Variants in PFKFB2 observed in about 807,000 individuals in gnomAD.
PFKFB2 encodes 6-phosphofructo-2-kinase/fructose-2,6-bisphosphatase 2.
A neutral mutation model predicts 68.0 loss-of-function variants in PFKFB2; 53 were observed. The ratio of observed to expected loss-of-function variants is 0.78; its 90% CI spans 0.63 to 0.98. The LOEUF (loss-of-function observed/expected upper bound fraction) is 0.98, where lower values mean the gene tolerates loss of function less well. PFKFB2 is among the 50% of genes least tolerant of loss of function. The probability of loss-of-function intolerance (pLI) is 0.00; values close to 1 mark genes in which losing one functional copy is unlikely to be tolerated. For missense variants in PFKFB2, 451 were observed against 642.0 expected (o/e 0.70, Z 3.22); for synonymous variants, 222 against 227.6 (o/e 0.98, Z 0.22).
rs1188220322 is a variant in PFKFB2 at position 207,074,186 on chromosome 1, G to A, written c.*1815G>A. On this transcript the variant is annotated 3_prime_UTR_variant, in exon 15 of 15. Coordinates refer to ENST00000367080, the MANE Select transcript of PFKFB2 (RefSeq NM_006212.2). ...TTAAGAACTCCACCTTAGGAAGTTA[G>A]GTGGAAAAATACTGGATAGTAGTTT... 4 of 985,126 alleles carry A rather than the reference G, an allele frequency of 4.1e-6. No individual in the cohort carries two copies. Among genetic ancestry groups the A allele is most frequent in the African/African-American group, 3.5e-5 (2 of 57,210 alleles). The allele number at this position is 985,126 out of a possible 1,614,324, so 61.0% of individuals were successfully genotyped here.
At chr1:207,037,431 T>A (rs1265139439) in intron 1 of PFKFB2, among the ~76,000 whole-genome samples, 1 of 152,206 alleles carries the variant, frequency 6.6e-6, no homozygotes, top group Non-Finnish European at 1.5e-5. Flanking sequence ...CCTCCCTATA[T>A]ACACTCTCTC....
chr1:207,055,048 G>C, intron 2 of PFKFB2: 2 of 426,590 alleles, frequency 4.7e-6, no homozygotes, highest in Admixed American at 4.0e-5. Flanking sequence ...CTGAATCTCT[G>C]TCTCCTGGGA....
rs1683590908 is a variant in PFKFB2 at position 207,075,306 on chromosome 1, G to A, written c.*2935G>A. 5 of 985,360 alleles carry A rather than the reference G, an allele frequency of 5.1e-6. No homozygotes were observed. The highest frequency in any genetic ancestry group is 4.8e-6 in the Non-Finnish European group (4 of 829,870). The allele number at this position is 985,360 out of a possible 1,614,324, so 61.0% of individuals were successfully genotyped here. On this transcript the variant is annotated 3_prime_UTR_variant, in exon 15 of 15. Transcript: ENST00000367080. ...GCTGAGGTGGTCTTATCCTCAGATA[G>A]GACATGAGAAATTGGAATTTGGCAA...
At chr1:207,040,950 CAA>C (rs1682464833) in intron 1 of PFKFB2, among the ~76,000 whole-genome samples, 1 of 108,900 alleles carries the variant, frequency 9.2e-6, no homozygotes, top group Non-Finnish European at 1.7e-5. Flanking sequence ...TTTTTTGAGA[CAA>C]GAGTCTCGCT....
rs541433666 is a variant in PFKFB2 at position 207,073,647 on chromosome 1, A to C, written c.*1276A>C. 1.0e-6 allele frequency: 1 copy of C among 983,596 alleles called. No individual in the cohort carries two copies. The highest frequency in any genetic ancestry group is 1.2e-6 in the Non-Finnish European group (1 of 828,270). The allele number at this position is 983,596 out of a possible 1,614,324, so 60.9% of individuals were successfully genotyped here. A position where few individuals can be genotyped will look rare whatever the true frequency, so the allele number is the denominator to read the frequency against. ...GAAACTATCTCATCTTGATGTCCAG[A>C]GAAGTCCTTGGAACCCTGTGGGATC... On this transcript the variant is annotated 3_prime_UTR_variant, in exon 15 of 15. Transcript: ENST00000367080.
upstream of PFKFB2, chr1:207,050,760 C>G: frequency 6.2e-7 from 1 of 1,613,390 alleles, no homozygotes. Flanking sequence ...GGGTATCCGA[C>G]GAGGATTCGC....
At chr1:207,060,874 C>T (rs2102345937) in intron 2 of PFKFB2, 1 of 150,332 alleles carries the variant, frequency 6.7e-6, no homozygotes, top group East Asian at 2.0e-4. Context: ...GATCATGGCT[C>T]ACTGCAACCT....
Position 207,072,038 on chromosome 1 carries a change from C to T in PFKFB2, c.1351-166C>T, listed in dbSNP as rs147760629. Among the ~76,000 whole-genome samples, 246 of 152,276 alleles carry T rather than the reference C, an allele frequency of 1.6e-3. 4 individuals carry two copies. The highest frequency in any genetic ancestry group is 0.012 in the South Asian group (57 of 4,832). ...CTCAAGGAGCTTCTCCCTTTTAGCC[C>T]CCTGATGCTAGGAGGCCAGGCCATG... is the stretch of plus-strand genomic sequence containing the variant. On this transcript the variant is annotated intron_variant, in intron 14 of 14. Transcript: ENST00000367080.
chr1:207,049,074 T>C (rs1401496921), upstream of PFKFB2: 1 of 1,613,928 alleles, frequency 6.2e-7, no homozygotes, highest in African/African-American at 1.3e-5. Context: ...CCCTTGCTTC[T>C]GCTTGTCCAG....
chr1:207,056,671 T>A (rs1043407874), intron 2 of PFKFB2, among the ~76,000 whole-genome samples: 3 of 152,036 alleles, frequency 2.0e-5, no homozygotes, highest in Non-Finnish European at 4.4e-5. Context: ...ATCTCTTTTT[T>A]TCCATACTCT....
downstream of PFKFB2, chr1:207,079,029 T>A: frequency 6.2e-7 from 1 of 1,606,808 alleles, no homozygotes; most frequent in Non-Finnish European, 8.5e-7. Context: ...ATGATGTGGA[T>A]GTTCAGGCCT....
In PFKFB2 at chr1:207,063,229, T is replaced by G. The variant is rs371074690; in HGVS notation, c.375+20T>G. Reference sequence around the variant, plus strand: ...ATTGCGGTAAGCTTTATCTGCTGCTTCTTCTTTCTGGTCCCCACCCTTGCA... The same window carrying G: ...ATTGCGGTAAGCTTTATCTGCTGCTGCTTCTTTCTGGTCCCCACCCTTGCA... On this transcript the variant is annotated intron_variant, in intron 5 of 14. Coordinates refer to ENST00000367080, the MANE Select transcript of PFKFB2 (RefSeq NM_006212.2). The surrounding 1 kb of genome is among the most constrained non-coding windows in gnomAD (Gnocchi z 4.1). 1.4e-4 allele frequency: 232 copies of G among 1,610,272 alleles called. No homozygotes were observed. The highest frequency in any genetic ancestry group is 4.4e-4 in the South Asian group (40 of 91,012).
chr1:207,055,529 C>A (rs1441981379), intron 2 of PFKFB2, among the ~76,000 whole-genome samples: 1 of 152,084 alleles, frequency 6.6e-6, no homozygotes, highest in Non-Finnish European at 1.5e-5. Flanking sequence ...AGATCTGGGA[C>A]TCTGTTCCCC....
chr1:207,070,848 G>T lies in PFKFB2; in HGVS notation c.1223-340G>T. 3.5e-6 allele frequency: 1 copy of T among 289,682 alleles called. No individual in the cohort carries two copies. Among genetic ancestry groups the T allele is most frequent in the Non-Finnish European group, 6.6e-6 (1 of 152,146 alleles). The allele number at this position is 289,682 out of a possible 1,614,324, so 17.9% of individuals were successfully genotyped here. On this transcript the variant is annotated intron_variant, in intron 12 of 14. Coordinates refer to ENST00000367080, the MANE Select transcript of PFKFB2 (RefSeq NM_006212.2). The surrounding 1 kb of genome is among the most constrained non-coding windows in gnomAD (Gnocchi z 4.2). Reference sequence around the variant, plus strand: ...GAGCTCCTGGGAAGCCTGCATTGTGGATGCTGAGCTCAGCATCCTGAGCTG... The same window carrying T: ...GAGCTCCTGGGAAGCCTGCATTGTGTATGCTGAGCTCAGCATCCTGAGCTG...
upstream of PFKFB2, chr1:207,052,436 T>A: frequency 6.1e-6 from 3 of 491,364 alleles, no homozygotes; most frequent in Non-Finnish European, 1.1e-5. Flanking sequence ...CCGAGGCGGG[T>A]GAATCACCCG....
chr1:207,071,402 T>C, intron 13 of PFKFB2, 107 bp from the exon 14 acceptor site: 1 of 1,037,790 alleles, frequency 9.6e-7, no homozygotes, highest in Non-Finnish European at 1.5e-6. Flanking sequence ...TGCATGACTG[T>C]GTGTATTGCA....
chr1:207,069,361 T>C, intron 10 of PFKFB2, 63 bp from the exon 11 acceptor site: 1 of 1,081,384 alleles, frequency 9.2e-7, no homozygotes, highest in Non-Finnish European at 1.4e-6. Context: ...TCTTCCTTAT[T>C]TGGGATGGGG....
intron 14 of PFKFB2, 74 bp from the exon 15 acceptor site, chr1:207,072,130 G>A: frequency 1.3e-6 from 2 of 1,563,574 alleles, no homozygotes; most frequent in South Asian, 2.4e-5. Context: ...GTGGTTACAA[G>A]CGCATTATTA....
upstream of PFKFB2, chr1:207,051,225 G>T (rs1488522283): frequency 4.5e-6 from 5 of 1,110,452 alleles, no homozygotes; most frequent in Non-Finnish European, 6.0e-6. Context: ...CCCTCCGCGT[G>T]GGTAGCATAT....
Sources: allele counts gnomAD v4.1 joint callset (sites outside exome capture counted in the v4.1 genomes callset), GRCh38; gene constraint gnomAD v4.1.1; non-coding constraint Gnocchi (gnomAD v3.1); transcripts MANE v1.5; gene names NCBI Gene and HGNC (gene_info 2026-07-23, HGNC 2026-07-21).